Variants in ARMH3 observed in about 807,000 individuals in gnomAD.
The protein encoded by ARMH3 is armadillo like helical domain containing 3.
A neutral mutation model predicts 99.1 loss-of-function variants in ARMH3; 60 were observed. The observed-to-expected ratio is 0.61, with a 90% confidence interval of 0.49 to 0.75. The LOEUF is 0.75. Ranked by LOEUF, ARMH3 falls within the 30% of genes least tolerant of loss-of-function variation. The pLI, the probability that ARMH3 is intolerant of heterozygous loss-of-function variation, is 0.00. For synonymous variants in ARMH3, 285 were observed against 292.8 expected, an observed-to-expected ratio of 0.97 and a Z score of 0.27; for missense variants, 679 against 843.1, an observed-to-expected ratio of 0.81 and a Z score of 2.41.
In ARMH3 at chr10:102,031,760, GAC is replaced by G. The variant is rs1184844882; in HGVS notation, c.306+1264_306+1265del. Among the ~76,000 whole-genome samples, 175 of 151,436 alleles carry G rather than the reference GAC, an allele frequency of 1.2e-3. 1 individual carries two copies. Among genetic ancestry groups the G allele is most frequent in the African/African-American group, 3.9e-3 (162 of 41,310 alleles). On this transcript the variant is annotated intron_variant, in intron 4 of 25. Coordinates refer to ENST00000370033, the MANE Select transcript of ARMH3 (RefSeq NM_024541.3). The stretch of plus-strand genomic sequence containing the variant: ...ATTCTTCATATTCTTTTTTTTTTGA[GAC>G]GGAGTCTCGCTCTGTCGCCCAGGCT...
In ARMH3 at chr10:102,006,563, C is replaced by T; in HGVS notation, c.1025G>A (p.Gly342Glu). The change falls in exon 14 of 26, where the codon GGG becomes GAG. Residue 342 changes from glycine to glutamate, a missense_variant. Gly to Glu is a moderately conservative substitution (Grantham distance 98, BLOSUM62 -2). Transcript: ENST00000370033. Reference sequence around the variant, plus strand: ...ACCATCAGAGGAAGGCGGTGTGGTCCCAAGTGGTGTGACTGGGGTTGTAGG... The same window carrying T: ...ACCATCAGAGGAAGGCGGTGTGGTCTCAAGTGGTGTGACTGGGGTTGTAGG... Reference protein sequence around the residue: ...PAPTTPVTPLGTTPPSSDVIS... With the variant: ...PAPTTPVTPLETTPPSSDVIS... The T allele has an allele frequency of 6.2e-7, 1 of 1,613,854 alleles. No homozygotes were observed. The highest frequency in any genetic ancestry group is 8.5e-7 in the Non-Finnish European group (1 of 1,179,856).
intron 22 of ARMH3, among the ~76,000 whole-genome samples, chr10:101,950,650 C>A (rs556918914): frequency 6.6e-6 from 1 of 152,268 alleles, no homozygotes; most frequent in African/African-American, 2.4e-5. Context: ...TTCATGGATA[C>A]AACATGGATA....
At chr10:102,034,393 T>G (rs1030606382) in intron 2 of ARMH3, among the ~76,000 whole-genome samples, 1 of 151,782 alleles carries the variant, frequency 6.6e-6, no homozygotes, top group African/African-American at 2.4e-5. Context: ...TCCTAGCACT[T>G]TGGGAGGCTG....
intron 19 of ARMH3, among the ~76,000 whole-genome samples, chr10:101,990,075 T>G (rs535349488): frequency 1.3e-5 from 2 of 152,316 alleles, no homozygotes; most frequent in South Asian, 4.1e-4. Context: ...TTGTGCTTAT[T>G]ACCTCTTCTG....
At position 101,911,716 on chromosome 10, in the gene ARMH3, G is replaced by A. The variant is rs150238611; in HGVS notation, c.1782-22226C>T. 3.1e-3 allele frequency among the ~76,000 whole-genome samples: 467 copies of A among 152,244 alleles called. 1 individual carries two copies. Among genetic ancestry groups the A allele is most frequent in the South Asian group, 0.012 (58 of 4,830 alleles). ...ACTGCACTCAAGCCTGAGCGACAGA[G>A]CAACCCCATCTCTAAAATAAAACAT... On this transcript the variant is annotated intron_variant, in intron 23 of 25. Transcript: ENST00000370033.
At chr10:101,952,283 C>T (rs1159857786) in intron 22 of ARMH3, among the ~76,000 whole-genome samples, 1 of 152,126 alleles carries the variant, frequency 6.6e-6, no homozygotes, top group African/African-American at 2.4e-5. Context: ...TGACATTTTT[C>T]TCTATAATCC....
intron 23 of ARMH3, among the ~76,000 whole-genome samples, chr10:101,921,350 T>A (rs1360156673): frequency 6.6e-6 from 1 of 152,158 alleles, no homozygotes; most frequent in Non-Finnish European, 1.5e-5. Context: ...GGAAAGGGAC[T>A]ACTGACTGGA....
Position 101,863,670 on chromosome 10 carries a change from A to T in ARMH3, c.1861-13778T>A, listed in dbSNP as rs375886230. Among the ~76,000 whole-genome samples, 4 of 152,296 alleles carry T rather than the reference A, an allele frequency of 2.6e-5. No individual in the cohort carries two copies. The South Asian group carries it at 6.2e-4, about 24-fold the overall frequency. The stretch of plus-strand genomic sequence containing the variant: ...TGTGCATGGTAGCTCGTGCCTGTAA[A>T]TCCCAGCACTTTGGAAGGCCGAGGT... On this transcript the variant is annotated intron_variant, in intron 24 of 25. Coordinates refer to ENST00000370033, the MANE Select transcript of ARMH3 (RefSeq NM_024541.3).
intron 23 of ARMH3, among the ~76,000 whole-genome samples, chr10:101,905,132 T>C (rs1164099332): frequency 6.6e-6 from 1 of 152,040 alleles, no homozygotes; most frequent in Non-Finnish European, 1.5e-5. Flanking sequence ...CACAGACACA[T>C]TTGGGAAACA....
chr10:102,019,655 C>T (rs1475476306), intron 8 of ARMH3, among the ~76,000 whole-genome samples: 2 of 151,922 alleles, frequency 1.3e-5, no homozygotes, highest in South Asian at 4.1e-4. Flanking sequence ...GGGCCGGGCG[C>T]GGTGGCTCAC....
At chr10:101,961,063 G>A (rs1196956540) in intron 20 of ARMH3, among the ~76,000 whole-genome samples, 1 of 152,072 alleles carries the variant, frequency 6.6e-6, no homozygotes, top group African/African-American at 2.4e-5. Context: ...GCTGCTCTAC[G>A]TCATTTTCAT....
chr10:101,959,284 AAAG>A (rs1419709713), intron 20 of ARMH3, among the ~76,000 whole-genome samples: 1 of 152,172 alleles, frequency 6.6e-6, no homozygotes, highest in Non-Finnish European at 1.5e-5. Flanking sequence ...TTCCCTCCTT[AAAG>A]AAGATCACCT....
chr10:101,854,683 A>T (rs1484382296), intron 24 of ARMH3, among the ~76,000 whole-genome samples: 1 of 152,204 alleles, frequency 6.6e-6, no homozygotes, highest in Non-Finnish European at 1.5e-5. Context: ...CAGCAAAGCC[A>T]TCAAGAACAT....
intron 20 of ARMH3, among the ~76,000 whole-genome samples, chr10:101,973,659 T>A (rs1324049954): frequency 6.6e-6 from 1 of 151,574 alleles, no homozygotes; most frequent in African/African-American, 2.4e-5. Flanking sequence ...ATCACGAGAA[T>A]GAGAGAAAAG....
At position 101,990,621 on chromosome 10, in the gene ARMH3, G is replaced by T; in HGVS notation, c.1346-10C>A. 1.3e-6 allele frequency: 2 copies of T among 1,598,400 alleles called. No individual in the cohort carries two copies. The highest frequency in any genetic ancestry group is 1.7e-6 in the Non-Finnish European group (2 of 1,168,584). The stretch of plus-strand genomic sequence containing the variant: ...AACTCTACCATCAGGTCTGAAAGGG[G>T]AATAGAGAAAAACTGGATCAATTAC... On this transcript the variant is annotated splice_polypyrimidine_tract_variant and intron_variant, in intron 18 of 25. Coordinates refer to ENST00000370033, the MANE Select transcript of ARMH3 (RefSeq NM_024541.3).
intron 24 of ARMH3, among the ~76,000 whole-genome samples, chr10:101,877,837 G>T (rs2135394709): frequency 6.6e-6 from 1 of 152,176 alleles, no homozygotes; most frequent in East Asian, 1.9e-4. Context: ...TGATAGAGAT[G>T]AATAATAAGC....
intron 14 of ARMH3, among the ~76,000 whole-genome samples, chr10:102,005,380 C>CAAAAAAAAAAAAAA (rs11344018): frequency 1.5e-5 from 1 of 64,904 alleles, no homozygotes. Flanking sequence ...GACTCTGTCT[C>CAAAAAAAAAAAAAA]AAAAAAAAAA....
chr10:101,980,730 G>A (rs1252889416), intron 19 of ARMH3, among the ~76,000 whole-genome samples: 2 of 152,080 alleles, frequency 1.3e-5, no homozygotes, highest in African/African-American at 2.4e-5. Context: ...TAAAATAGGG[G>A]TAGCTACTAC....
chr10:101,860,107 T>C (rs2066829902), intron 24 of ARMH3, among the ~76,000 whole-genome samples: 1 of 152,138 alleles, frequency 6.6e-6, no homozygotes, highest in African/African-American at 2.4e-5. Context: ...TCAGAAATGT[T>C]TTAGTAAATT....
Sources: allele counts gnomAD v4.1 joint callset (sites outside exome capture counted in the v4.1 genomes callset), GRCh38; gene constraint gnomAD v4.1.1; transcripts MANE v1.5; gene names NCBI Gene and HGNC (gene_info 2026-07-23, HGNC 2026-07-21).